Variants in SV2B observed in about 807,000 individuals in gnomAD.
SV2B encodes the protein solute carrier family 22 member B2.
Under a neutral mutation model 73.9 loss-of-function variants are expected in SV2B, and 41 were observed. The observed-to-expected ratio is 0.56, with a 90% CI of 0.43 to 0.72. The LOEUF is 0.72. Ranked by LOEUF, SV2B falls within the 30% of genes least tolerant of loss-of-function variation. SV2B has a pLI of 0.00. For missense variants in SV2B, 764 were observed against 857.8 expected, an observed-to-expected ratio of 0.89 and a Z score of 1.37; for synonymous variants, 314 against 314.2, an observed-to-expected ratio of 1.00 and a Z score of 0.01.
intron 1 of SV2B, among the ~76,000 whole-genome samples, chr15:91,221,324 C>T (rs80061699): frequency 0.033 from 5,060 of 152,186 alleles, 280 homozygotes; most frequent in African/African-American, 0.12. Flanking sequence ...AACTGGGGCA[C>T]AGAGCAGTTA....
At chr15:91,116,815 G>A (rs1263710266) in intron 1 of SV2B, among the ~76,000 whole-genome samples, 1 of 152,222 alleles carries the variant, frequency 6.6e-6, no homozygotes, top group African/African-American at 2.4e-5. Flanking sequence ...GGCTGGGGGA[G>A]CCTCACAATC....
At position 91,137,161 on chromosome 15, in the gene SV2B, C is replaced by T. The variant is rs1045964233; in HGVS notation, c.-392+36798C>T. The stretch of plus-strand genomic sequence containing the variant: ...GCCAGGTCACATAACCTCCAAATCC[C>T]ATGTATTTTTTCATGGTTGTATAAA... On this transcript the variant is annotated intron_variant, in intron 1 of 12. Transcript: ENST00000394232. The surrounding 1 kb of genome is among the most constrained non-coding windows in gnomAD (Gnocchi z 4.9). 6.6e-5 allele frequency among the ~76,000 whole-genome samples: 10 copies of T among 152,096 alleles called. No individual in the cohort carries two copies. Among genetic ancestry groups the T allele is most frequent in the African/African-American group, 2.4e-4 (10 of 41,412 alleles).
chr15:91,164,178 G>A (rs971344036), intron 1 of SV2B, among the ~76,000 whole-genome samples: 1 of 152,104 alleles, frequency 6.6e-6, no homozygotes, highest in Admixed American at 6.6e-5. Context: ...TACTGCCCAA[G>A]GTAATTTATA....
In SV2B at chr15:91,121,126, G is replaced by A. The variant is rs1210623410; in HGVS notation, c.-392+20763G>A. 2.5e-5 allele frequency among the ~76,000 whole-genome samples: 3 copies of A among 120,162 alleles called. No individual in the cohort carries two copies. The highest frequency in any genetic ancestry group is 3.1e-5 in the African/African-American group (1 of 31,792). The allele number at this position is 120,162 out of a possible 152,430, so 78.8% of individuals were successfully genotyped here. ...ATTTTTGGTCTTATGTTAGTAACTCGTTTCATTTTTTTTTCTCTTTGAAAT... is the reference window on the plus strand; with the variant it reads ...ATTTTTGGTCTTATGTTAGTAACTCATTTCATTTTTTTTTCTCTTTGAAAT... On this transcript the variant is annotated intron_variant, in intron 1 of 12. Transcript: ENST00000394232. This position sits in a 1 kb window ranked among gnomAD's most constrained non-coding sequence, Gnocchi z 4.4.
At chr15:91,203,738 A>G (rs1300821940) in intron 1 of SV2B, among the ~76,000 whole-genome samples, 1 of 152,202 alleles carries the variant, frequency 6.6e-6, no homozygotes, top group Non-Finnish European at 1.5e-5. Context: ...GGTCTGTCCT[A>G]ACAAACGGGG....
rs553631444 is a variant in SV2B, at chr15:91,192,182, T to A, written c.-391-33691T>A. Among the ~76,000 whole-genome samples, 3 of 152,340 alleles carry A rather than the reference T, an allele frequency of 2.0e-5. No homozygotes were observed. The East Asian group carries it at 5.8e-4, about 29-fold the overall frequency. On this transcript the variant is annotated intron_variant, in intron 1 of 12. Transcript: ENST00000394232. ...ATTTATTCACTTTTCCTTCCATGCC[T>A]AGCAGGAAGGAATTTATTTTCTCTT...
chr15:91,188,653 A>G (rs904257132), intron 1 of SV2B, among the ~76,000 whole-genome samples: 3 of 151,932 alleles, frequency 2.0e-5, no homozygotes, highest in Non-Finnish European at 4.4e-5. Flanking sequence ...TGTCATTTGA[A>G]TAGTGTAGGT....
chr15:91,166,534 AT>A (rs869110307), intron 1 of SV2B, among the ~76,000 whole-genome samples: 1 of 151,876 alleles, frequency 6.6e-6, no homozygotes, highest in East Asian at 1.9e-4. Flanking sequence ...TTGTTAAAAA[AT>A]TTTTTCAGCA....
At position 91,265,651 on chromosome 15, in the gene SV2B, A is replaced by T. The variant is rs899551764; in HGVS notation, c.1009-931A>T. Among the ~76,000 whole-genome samples, 2 of 152,210 alleles carry T rather than the reference A, an allele frequency of 1.3e-5. No homozygotes were observed. The highest frequency in any genetic ancestry group is 4.8e-5 in the African/African-American group (2 of 41,452). ...ATAGCTTGAAGCCCAGCTGCAGCCA[A>T]GAGTTCAGCTGCAGAGCCTGCTTTG... On this transcript the variant is annotated intron_variant, in intron 6 of 12. Coordinates refer to ENST00000394232, the MANE Select transcript of SV2B (RefSeq NM_001323032.3). This position sits in a 1 kb window ranked among gnomAD's most constrained non-coding sequence, Gnocchi z 4.2.
At chr15:91,154,327 T>G (rs1450220003) in intron 1 of SV2B, among the ~76,000 whole-genome samples, 2 of 152,120 alleles carry the variant, frequency 1.3e-5, no homozygotes, top group Non-Finnish European at 2.9e-5. Context: ...CCGGATGCAG[T>G]GCCAGGCACT....
chr15:91,280,093 A>AGG lies in SV2B; in HGVS notation c.1374-1635_1374-1634insGG, dbSNP rs2048637308. ...AATTTAGGAAATGACATCTTTAATA[A>AGG]TAACCTCAAGTTTATTCTGATGCAA... On this transcript the variant is annotated intron_variant, in intron 9 of 12. Transcript: ENST00000394232. This position sits in a 1 kb window ranked among gnomAD's most constrained non-coding sequence, Gnocchi z 5.8. 6.6e-6 allele frequency among the ~76,000 whole-genome samples: 1 copy of AGG among 152,222 alleles called. No individual in the cohort carries two copies. The highest frequency in any genetic ancestry group is 1.5e-5 in the Non-Finnish European group (1 of 68,048).
At chr15:91,173,487 A>G (rs2044195856) in intron 1 of SV2B, among the ~76,000 whole-genome samples, 1 of 152,178 alleles carries the variant, frequency 6.6e-6, no homozygotes, top group Non-Finnish European at 1.5e-5. Flanking sequence ...GTTCTCTGCA[A>G]AGGCTCTGTC....
chr15:91,183,143 G>T (rs2044647298), intron 1 of SV2B, among the ~76,000 whole-genome samples: 1 of 152,198 alleles, frequency 6.6e-6, no homozygotes, highest in South Asian at 2.1e-4. Context: ...GTTGTCTGGG[G>T]TCTAGAAAGA....
chr15:91,151,918 A>G (rs542910790), intron 1 of SV2B, among the ~76,000 whole-genome samples: 12 of 152,306 alleles, frequency 7.9e-5, no homozygotes, highest in African/African-American at 2.9e-4. Flanking sequence ...AGAAAACAGT[A>G]GTTACTCAAA....
At position 91,122,139 on chromosome 15, in the gene SV2B, C is replaced by T. The variant is rs1893579115; in HGVS notation, c.-392+21776C>T. Among the ~76,000 whole-genome samples the T allele has an allele frequency of 6.6e-6, 1 of 152,122 alleles. No individual in the cohort carries two copies. The highest frequency in any genetic ancestry group is 6.5e-5 in the Admixed American group (1 of 15,270). Reference sequence around the variant, plus strand: ...GAGTCTGACGCCAAAGACTGAACTCCCAATATGTGCTAAACCATCTCCTCT... The same window carrying T: ...GAGTCTGACGCCAAAGACTGAACTCTCAATATGTGCTAAACCATCTCCTCT... On this transcript the variant is annotated intron_variant, in intron 1 of 12. Coordinates refer to ENST00000394232, the MANE Select transcript of SV2B (RefSeq NM_001323032.3). The surrounding 1 kb of genome is among the most constrained non-coding windows in gnomAD (Gnocchi z 4.3).
rs931747029 is a variant in SV2B at position 91,105,410 on chromosome 15, G to A, written c.-392+5047G>A. Among the ~76,000 whole-genome samples, 2 of 152,156 alleles carry A rather than the reference G, an allele frequency of 1.3e-5. No individual in the cohort carries two copies. Among genetic ancestry groups the A allele is most frequent in the Non-Finnish European group, 2.9e-5 (2 of 68,028 alleles). On this transcript the variant is annotated intron_variant, in intron 1 of 12. Transcript: ENST00000394232. The surrounding 1 kb of genome is among the most constrained non-coding windows in gnomAD (Gnocchi z 5.5). ...CCAGGTAGGGAGAACAGGTGCAAAG[G>A]CCCCGAGGCAACAGATAACTGGCAT...
rs186977757 is a variant in SV2B at position 91,224,721 on chromosome 15, T to C, written c.-391-1152T>C. 3.5e-3 allele frequency among the ~76,000 whole-genome samples: 527 copies of C among 152,270 alleles called. 3 individuals are homozygous for C. The highest frequency in any genetic ancestry group is 0.012 in the African/African-American group (514 of 41,554). On this transcript the variant is annotated intron_variant, in intron 1 of 12. Coordinates refer to ENST00000394232, the MANE Select transcript of SV2B (RefSeq NM_001323032.3). The surrounding 1 kb of genome is among the most constrained non-coding windows in gnomAD (Gnocchi z 4.9). Reference sequence around the variant, plus strand: ...AGTTTGATTATCTCTCAAATGAAGATACAGATGATTTTTTTTCTTTCTTTT... The same window carrying C: ...AGTTTGATTATCTCTCAAATGAAGACACAGATGATTTTTTTTCTTTCTTTT...
At chr15:91,270,348 C>T (rs1451226363) in intron 9 of SV2B, among the ~76,000 whole-genome samples, 2 of 152,184 alleles carry the variant, frequency 1.3e-5, no homozygotes, top group African/African-American at 4.8e-5. Context: ...GTAGATATCT[C>T]ACAAAACTCC....
rs1256224493 is a variant in SV2B, at chr15:91,105,182, C to A, written c.-392+4819C>A. Among the ~76,000 whole-genome samples the A allele has an allele frequency of 6.6e-6, 1 of 152,040 alleles. No homozygotes were observed. The highest frequency in any genetic ancestry group is 1.5e-5 in the Non-Finnish European group (1 of 68,020). On this transcript the variant is annotated intron_variant, in intron 1 of 12. Coordinates refer to ENST00000394232, the MANE Select transcript of SV2B (RefSeq NM_001323032.3). The surrounding 1 kb of genome is among the most constrained non-coding windows in gnomAD (Gnocchi z 5.5). Reference sequence around the variant, plus strand: ...AAGCATTCATTCTAGTTGAGGGAGACAAATAATATGTAAGTAAATAATGTA... The same window carrying A: ...AAGCATTCATTCTAGTTGAGGGAGAAAAATAATATGTAAGTAAATAATGTA...
Sources: gnomAD v4.1 joint callset for allele counts (sites outside exome capture counted in the v4.1 genomes callset) on GRCh38, gnomAD v4.1.1 for gene constraint, Gnocchi (gnomAD v3.1) non-coding constraint, MANE v1.5 for transcripts, NCBI Gene and HGNC (gene_info 2026-07-23, HGNC 2026-07-21) for gene names.